Variants in CEP83 observed in about 807,000 individuals in gnomAD.
CEP83 encodes centrosomal protein 83.
CEP83 carries 70 observed loss-of-function variants against 101.9 expected under a neutral mutation model. That is an observed-to-expected ratio of 0.69 (90% CI 0.57 to 0.84). The LOEUF (loss-of-function observed/expected upper bound fraction) is 0.84. Ranked by LOEUF, CEP83 falls within the 40% of genes least tolerant of loss-of-function variation. CEP83 has a pLI of 0.00. For missense variants in CEP83, 715 were observed against 787.2 expected (o/e 0.91, Z 1.10); for synonymous variants, 264 against 267.9 (o/e 0.99, Z 0.14).
chr12:94,288,629 T>G, the CEP83 span, among the ~76,000 whole-genome samples: 1 of 152,212 alleles, frequency 6.6e-6, no homozygotes, highest in Non-Finnish European at 1.5e-5. Flanking sequence ...GACGGCCCCT[T>G]CCAATGCACT....
In CEP83 at chr12:94,424,827, T is replaced by C. The variant is rs573061686; in HGVS notation, c.-102+10448A>G. ...GTTTTGCTCAGCTGGTCATTTCCAT[T>C]GCTTCCACTACTGCTGTTAGGTGTA... On this transcript the variant is annotated intron_variant, in intron 2 of 16. Coordinates refer to ENST00000397809, the MANE Select transcript of CEP83 (RefSeq NM_016122.3). 6.2e-4 allele frequency: 994 copies of C among 1,600,182 alleles called. 1 individual carries two copies. Among genetic ancestry groups the C allele is most frequent in the Middle Eastern group, 8.3e-4 (5 of 6,036 alleles).
intron 15 of CEP83, among the ~76,000 whole-genome samples, chr12:94,312,140 C>T (rs890928320): frequency 6.6e-6 from 1 of 151,966 alleles, no homozygotes; most frequent in African/African-American, 2.4e-5. Context: ...CAAATTACTA[C>T]CAAATTAATA....
chr12:94,367,899 A>G lies in CEP83; in HGVS notation c.1238T>C (p.Val413Ala), dbSNP rs1216066174. The change falls in exon 11 of 17, where the codon GTG (valine) becomes GCG (alanine). Residue 413 changes from valine to alanine, a missense_variant. By Grantham distance (64) the Val-to-Ala change is moderately conservative (BLOSUM62 0). Coordinates refer to ENST00000397809, the MANE Select transcript of CEP83 (RefSeq NM_016122.3). ...NRLADLEKMKVEHDVWRQSEK... is the reference protein window; with the variant it reads ...NRLADLEKMKAEHDVWRQSEK... ...AGATTGCCTCCAGACATCATGTTCC[A>G]CTTTCATTTTCTCCAAATCTGCTAA... The G allele has an allele frequency of 6.2e-7, 1 of 1,613,714 alleles. No homozygotes were observed. Among genetic ancestry groups the G allele is most frequent in the East Asian group, 2.2e-5 (1 of 44,834 alleles).
the CEP83 span, among the ~76,000 whole-genome samples, chr12:94,287,487 C>T: frequency 6.6e-6 from 1 of 152,162 alleles, no homozygotes; most frequent in Non-Finnish European, 1.5e-5. Flanking sequence ...TTATTGCACC[C>T]GCACCCTGCT....
intron 1 of CEP83, among the ~76,000 whole-genome samples, chr12:94,452,979 A>T (rs2067370302): frequency 1.3e-5 from 2 of 152,180 alleles, no homozygotes; most frequent in South Asian, 4.1e-4. Flanking sequence ...AAGGACTTAA[A>T]CTACCCCCAT....
chr12:94,419,715 A>G (rs1361658079), intron 2 of CEP83, among the ~76,000 whole-genome samples: 1 of 152,188 alleles, frequency 6.6e-6, no homozygotes, highest in East Asian at 1.9e-4. Flanking sequence ...AAGATAATTT[A>G]GAACAAAGGT....
At chr12:94,460,079 G>T (rs1176578932), upstream of CEP83, 3 of 152,372 alleles carry the variant, frequency 2.0e-5, no homozygotes, top group East Asian at 3.9e-4. Flanking sequence ...GAGCGGCCAC[G>T]GGTGACAGCG....
downstream of CEP83, chr12:94,306,041 T>A (rs546988549): frequency 6.6e-6 from 1 of 152,314 alleles, no homozygotes; most frequent in South Asian, 2.1e-4. Flanking sequence ...ATCTGTTTTT[T>A]CATACTAAAT....
chr12:94,371,421 G>T (rs1180728362), intron 8 of CEP83, among the ~76,000 whole-genome samples: 1 of 152,186 alleles, frequency 6.6e-6, no homozygotes, highest in Non-Finnish European at 1.5e-5. Flanking sequence ...GCAGGAACAA[G>T]TATAAATCAT....
At chr12:94,386,042 A>C (rs1174761723) in intron 6 of CEP83, among the ~76,000 whole-genome samples, 4 of 152,196 alleles carry the variant, frequency 2.6e-5, no homozygotes, top group African/African-American at 9.7e-5. Context: ...ATATATGTAT[A>C]GTCCATGATG....
At chr12:94,444,347 G>A (rs913926972) in intron 1 of CEP83, among the ~76,000 whole-genome samples, 4 of 152,128 alleles carry the variant, frequency 2.6e-5, no homozygotes, top group Admixed American at 6.5e-5. Flanking sequence ...CCAGTGAGCC[G>A]AGATCAGGCC....
intron 1 of CEP83, among the ~76,000 whole-genome samples, chr12:94,437,659 G>A (rs1233653800): frequency 1.3e-5 from 2 of 152,156 alleles, no homozygotes; most frequent in Non-Finnish European, 2.9e-5. Flanking sequence ...GAGCAATAGA[G>A]TCTTTTTCAT....
intron 11 of CEP83, among the ~76,000 whole-genome samples, chr12:94,359,570 A>T (rs2060644430): frequency 6.6e-6 from 1 of 152,166 alleles, no homozygotes; most frequent in African/African-American, 2.4e-5. Flanking sequence ...ACCTATCAAG[A>T]CTGAACCAAA....
rs768441203 is a variant in CEP83, at chr12:94,369,950, T to G, written c.1020A>C (p.Glu340Asp). 6.2e-7 allele frequency: 1 copy of G among 1,601,712 alleles called. No individual in the cohort carries two copies. The highest frequency in any genetic ancestry group is 1.3e-5 in the African/African-American group (1 of 74,638). ...CCAGTTCACTTTGAATCTTATTCCT[T>G]TCTCTTTCTAGCTCACTCTTAGCTC... Reference protein sequence around the residue: ...TARAKSELERERNKIQSELDG... With the variant: ...TARAKSELERDRNKIQSELDG... Residue 340 changes from glutamate to aspartate, a missense_variant, in exon 9 of 17, where the codon GAA becomes GAC. Glu to Asp is a conservative substitution (Grantham distance 45). Coordinates refer to ENST00000397809, the MANE Select transcript of CEP83 (RefSeq NM_016122.3).
intron 9 of CEP83, 138 bp downstream of exon 9, chr12:94,369,784 T>G (rs1056354712): frequency 1.8e-6 from 1 of 567,872 alleles, no homozygotes; most frequent in Non-Finnish European, 3.1e-6. Flanking sequence ...ATAATAAACA[T>G]TTCATATGTA....
In CEP83 at chr12:94,438,684, T is replaced by C. The variant is rs2066179075; in HGVS notation, c.-154-3357A>G. Reference sequence around the variant, plus strand: ...ACAACAGACTATACCCTAAAACAAATGGACTTAACAGATATTTACAGAACA... The same window carrying C: ...ACAACAGACTATACCCTAAAACAAACGGACTTAACAGATATTTACAGAACA... On this transcript the variant is annotated intron_variant, in intron 1 of 16. Coordinates refer to ENST00000397809, the MANE Select transcript of CEP83 (RefSeq NM_016122.3). Among the ~76,000 whole-genome samples, 4 of 152,264 alleles carry C rather than the reference T, an allele frequency of 2.6e-5. No homozygotes were observed. The South Asian group carries it at 8.3e-4, about 31-fold the overall frequency.
At chr12:94,407,141 A>C (rs1242051298) in intron 4 of CEP83, among the ~76,000 whole-genome samples, 1 of 152,160 alleles carries the variant, frequency 6.6e-6, no homozygotes, top group Non-Finnish European at 1.5e-5. Flanking sequence ...AAGCTATGGC[A>C]GAACTTTAAG....
At chr12:94,414,012 T>C (rs1283348612) in intron 2 of CEP83, among the ~76,000 whole-genome samples, 1 of 152,152 alleles carries the variant, frequency 6.6e-6, no homozygotes, top group Non-Finnish European at 1.5e-5. Context: ...TCTGATAAAT[T>C]AGTGTGATAT....
At chr12:94,382,948 T>A (rs1293927525) in intron 6 of CEP83, among the ~76,000 whole-genome samples, 2 of 152,058 alleles carry the variant, frequency 1.3e-5, no homozygotes, top group African/African-American at 4.8e-5. Context: ...CTATCACTTG[T>A]TGAGAGAGGG....
Sources: allele counts gnomAD v4.1 joint callset (sites outside exome capture counted in the v4.1 genomes callset), GRCh38; gene constraint gnomAD v4.1.1; transcripts MANE v1.5; gene names NCBI Gene and HGNC (gene_info 2026-07-23, HGNC 2026-07-21).